The following ERGIC2 variants were observed in gnomAD, a reference collection of about 807,000 sequenced individuals.
The protein encoded by ERGIC2 is endoplasmic reticulum-Golgi intermediate compartment protein 2.
ERGIC2 carries 31 observed loss-of-function variants against 52.5 expected under a neutral mutation model. That is an observed-to-expected ratio of 0.59 (90% CI 0.44 to 0.80). ERGIC2 has a LOEUF of 0.80. Ranked by LOEUF, ERGIC2 falls within the 30% of genes least tolerant of loss-of-function variation. The probability of loss-of-function intolerance (pLI) is 0.00; values close to 1 mark genes in which losing one functional copy is unlikely to be tolerated. For missense variants in ERGIC2, 395 were observed against 455.2 expected (o/e 0.87, Z 1.20); for synonymous variants, 129 against 140.6 (o/e 0.92, Z 0.58).
At chr12:29,353,960 T>C (rs1940169129) in intron 8 of ERGIC2, among the ~76,000 whole-genome samples, 1 of 152,118 alleles carries the variant, frequency 6.6e-6, no homozygotes, top group African/African-American at 2.4e-5. Context: ...TGAATGACTT[T>C]CAGTGGAGGA....
At position 29,356,342 on chromosome 12, in the gene ERGIC2, A is replaced by G. The variant is rs974301156; in HGVS notation, c.572+40T>C. ...AGAATTTACTTTTAACCAAGCTCCA[A>G]CTTTGTCTAAAGTATTTTCAGTAAG... On this transcript the variant is annotated intron_variant, in intron 8 of 13. Coordinates refer to ENST00000360150, the MANE Select transcript of ERGIC2 (RefSeq NM_016570.3). The G allele has an allele frequency of 1.6e-6, 2 of 1,230,388 alleles. 1 individual carries two copies. The allele number at this position is 1,230,388 out of a possible 1,614,324, so 76.2% of individuals were successfully genotyped here. A position where few individuals can be genotyped will look rare whatever the true frequency, so the allele number is the denominator to read the frequency against.
intron 5 of ERGIC2, 127 bp from the exon 6 acceptor site, chr12:29,361,812 T>C (rs776505848): frequency 1.7e-6 from 1 of 583,884 alleles, no homozygotes; most frequent in Non-Finnish European, 2.8e-6. Flanking sequence ...TATTCATGGT[T>C]TACATTCAAC....
intron 3 of ERGIC2, 90 bp from the exon 4 acceptor site, chr12:29,368,377 T>C (rs918935747): frequency 2.0e-4 from 135 of 687,934 alleles, no homozygotes; most frequent in Admixed American, 7.7e-4. Context: ...AAAACTTGGA[T>C]TTCAAGCAGA....
chr12:29,370,962 C>CTTAT (rs1274675605), intron 2 of ERGIC2, among the ~76,000 whole-genome samples: 2 of 152,206 alleles, frequency 1.3e-5, no homozygotes, highest in Admixed American at 1.3e-4. Flanking sequence ...TAGTAAGCAA[C>CTTAT]TTATTACCCA....
intron 5 of ERGIC2, among the ~76,000 whole-genome samples, chr12:29,364,534 C>A (rs1216414505): frequency 2.0e-5 from 3 of 151,920 alleles, no homozygotes; most frequent in African/African-American, 7.2e-5. Flanking sequence ...TTGTGGGCAT[C>A]ACCCTTGGGA....
chr12:29,380,475 A>G (rs1940572681), intron 1 of ERGIC2: 1 of 152,030 alleles, frequency 6.6e-6, no homozygotes, highest in South Asian at 2.1e-4. Context: ...TGACCTGTCA[A>G]CTCTATATAC....
At chr12:29,376,355 C>T (rs1447888424) in intron 1 of ERGIC2, among the ~76,000 whole-genome samples, 2 of 152,176 alleles carry the variant, frequency 1.3e-5, no homozygotes, top group Non-Finnish European at 2.9e-5. Context: ...TGAATATATT[C>T]ATAATTTGCT....
In ERGIC2 at chr12:29,371,417, G is replaced by A. The variant is rs575912030; in HGVS notation, c.106+111C>T. 48 of 670,560 alleles carry A rather than the reference G, an allele frequency of 7.2e-5. No homozygotes were observed. In the South Asian group the frequency reaches 9.4e-4, roughly 13 times the overall value. 41.5% of individuals were successfully genotyped at this position (670,560 alleles called of 1,614,324 possible). On this transcript the variant is annotated intron_variant, in intron 2 of 13. Coordinates refer to ENST00000360150, the MANE Select transcript of ERGIC2 (RefSeq NM_016570.3). The stretch of plus-strand genomic sequence containing the variant: ...GAAGACAGACAAGTTACGAAGTTAC[G>A]GCAGAATTCATTGATAAATTCTTCC...
At chr12:29,379,850 G>GA (rs571254508) in intron 1 of ERGIC2, among the ~76,000 whole-genome samples, 114 of 147,974 alleles carry the variant, frequency 7.7e-4, no homozygotes, top group African/African-American at 1.8e-3. Flanking sequence ...TTCTGGTAAA[G>GA]AAAAAAAAAA....
chr12:29,377,721 C>A (rs1940533505), intron 1 of ERGIC2, among the ~76,000 whole-genome samples: 1 of 152,128 alleles, frequency 6.6e-6, no homozygotes, highest in Non-Finnish European at 1.5e-5. Context: ...CAGACATTAT[C>A]AACACTCACT....
Position 29,339,218 on chromosome 12 carries a change from T to C in ERGIC2, c.*1938A>G, listed in dbSNP as rs888148927. ...GAGATAAATTTCATTAAAATTTTAA[T>C]ATGGTATTTGGAAAATACGAAAACA... is the stretch of plus-strand genomic sequence containing the variant. On this transcript the variant is annotated 3_prime_UTR_variant, in exon 14 of 14. Transcript: ENST00000360150. 1 of 152,198 alleles carries C rather than the reference T, an allele frequency of 6.6e-6. No individual in the cohort carries two copies. Among genetic ancestry groups the C allele is most frequent in the Non-Finnish European group, 1.5e-5 (1 of 68,024 alleles). 9.4% of individuals were successfully genotyped at this position (152,198 alleles called of 1,614,324 possible). A position where few individuals can be genotyped will look rare whatever the true frequency, so the allele number is the denominator to read the frequency against.
In ERGIC2 at chr12:29,340,800, TC is replaced by T; in HGVS notation, c.*355del. Reference sequence around the variant, plus strand: ...TTGCACTTCTCAATGTTTTTTTTTTTCCCATAGATGTAGTTTCACTTATTTC... The same window carrying T: ...TTGCACTTCTCAATGTTTTTTTTTTTCCATAGATGTAGTTTCACTTATTTC... On this transcript the variant is annotated 3_prime_UTR_variant, in exon 14 of 14. Transcript: ENST00000360150. The T allele has an allele frequency of 2.3e-6, 1 of 429,590 alleles. No homozygotes were observed. Among genetic ancestry groups the T allele is most frequent in the Admixed American group, 3.2e-5 (1 of 31,568 alleles). The allele number at this position is 429,590 out of a possible 1,614,324, so 26.6% of individuals were successfully genotyped here.
At chr12:29,346,274 GA>G (rs1243325560) in intron 10 of ERGIC2, among the ~76,000 whole-genome samples, 1 of 149,484 alleles carries the variant, frequency 6.7e-6, no homozygotes, top group African/African-American at 2.5e-5. Context: ...CTGCAGCCTT[GA>G]CTTCCTGGGC....
rs77271399 is a variant in ERGIC2 at position 29,367,748 on chromosome 12, G to T, written c.262+493C>A. ...TATTGATTCAAACATTCACTATCTG[G>T]CATATTAGCATTTTTCCACTTCTAT... is the stretch of plus-strand genomic sequence containing the variant. On this transcript the variant is annotated intron_variant, in intron 4 of 13. Transcript: ENST00000360150. 9.1e-3 allele frequency among the ~76,000 whole-genome samples: 1,380 copies of T among 151,762 alleles called. 22 individuals are homozygous for T. Among genetic ancestry groups the T allele is most frequent in the African/African-American group, 0.032 (1,322 of 41,466 alleles).
rs60844553 is a variant in ERGIC2, at chr12:29,380,057, T to TA, written c.-38+1057dup. Among the ~76,000 whole-genome samples the TA allele has an allele frequency of 5.2e-3, 770 of 149,046 alleles. 6 individuals carry two copies. Among genetic ancestry groups the TA allele is most frequent in the African/African-American group, 0.018 (746 of 40,690 alleles). Reference sequence around the variant, plus strand: ...CTGTATACTAAAGTTCACCATCATTTAAAAAAAAAAAAAAAATCCTCCTCT... The same window carrying TA: ...CTGTATACTAAAGTTCACCATCATTTAAAAAAAAAAAAAAAAATCCTCCTCT... On this transcript the variant is annotated intron_variant, in intron 1 of 13. Transcript: ENST00000360150.
At chr12:29,361,567 G>T in intron 6 of ERGIC2, 78 bp downstream of exon 6, 1 of 1,053,438 alleles carries the variant, frequency 9.5e-7, no homozygotes, top group Non-Finnish European at 1.4e-6. Context: ...AGAGAAATGT[G>T]TTAATCTATA....
In ERGIC2 at chr12:29,349,063, A is replaced by G; in HGVS notation, c.727+16T>C. ...TTTCTACATGTAAAATCCAACAATA[A>G]TTATTAAATACTTACGATCTATAGC... On this transcript the variant is annotated intron_variant, in intron 10 of 13. Coordinates refer to ENST00000360150, the MANE Select transcript of ERGIC2 (RefSeq NM_016570.3). 1 of 1,345,534 alleles carries G rather than the reference A, an allele frequency of 7.4e-7. No homozygotes were observed. The highest frequency in any genetic ancestry group is 1.0e-6 in the Non-Finnish European group (1 of 972,604). 83.3% of individuals were successfully genotyped at this position (1,345,534 alleles called of 1,614,324 possible).
chr12:29,368,153 A>G, intron 4 of ERGIC2, 88 bp downstream of exon 4: 1 of 808,764 alleles, frequency 1.2e-6, no homozygotes, highest in Non-Finnish European at 2.1e-6. Context: ...AAGGAAAAAT[A>G]AAGTACAACC....
At chr12:29,374,812 A>G (rs1316605549) in intron 1 of ERGIC2, among the ~76,000 whole-genome samples, 1 of 152,152 alleles carries the variant, frequency 6.6e-6, no homozygotes, top group Admixed American at 6.5e-5. Flanking sequence ...CTATCACTAC[A>G]TTGCTTCAAC....
Sources: allele counts gnomAD v4.1 joint callset (sites outside exome capture counted in the v4.1 genomes callset), GRCh38; gene constraint gnomAD v4.1.1; transcripts MANE v1.5; gene names NCBI Gene and HGNC (gene_info 2026-07-23, HGNC 2026-07-21).